MRPS28: variants seen among roughly 807,000 people sequenced by gnomAD.
MRPS28 encodes the protein mitochondrial ribosomal protein S28.
In MRPS28, 7 loss-of-function variants were observed where a neutral mutation model predicts 10.8. The ratio of observed to expected loss-of-function variants is 0.65; its 90% confidence interval spans 0.37 to 1.22. The LOEUF (loss-of-function observed/expected upper bound fraction) is 1.22, where lower values mean the gene tolerates loss of function less well. MRPS28 is among the 50% of genes most tolerant of loss of function. The probability of loss-of-function intolerance (pLI) is 0.02; values close to 1 mark genes in which losing one functional copy is unlikely to be tolerated. For synonymous variants in MRPS28, 121 were observed against 93.3 expected, an observed-to-expected ratio of 1.30 and a Z score of -1.71; for missense variants, 265 against 232.9, an observed-to-expected ratio of 1.14 and a Z score of -0.90.
intron 1 of MRPS28, chr8:80,028,801 AAAAAAAAAC>A (rs1809565605): frequency 6.6e-6 from 1 of 150,526 alleles, no homozygotes; most frequent in Admixed American, 6.7e-5. Context: ...CCATCTCTAC[AAAAAAAAAC>A]AGAAAAAACA....
intron 2 of MRPS28, among the ~76,000 whole-genome samples, chr8:79,983,439 G>C (rs1808039764): frequency 6.6e-6 from 1 of 152,214 alleles, no homozygotes; most frequent in East Asian, 1.9e-4. Flanking sequence ...ACTTTGACGA[G>C]TTGAGAGAAG....
At chr8:79,974,398 G>T (rs1436747981) in intron 2 of MRPS28, among the ~76,000 whole-genome samples, 1 of 151,928 alleles carries the variant, frequency 6.6e-6, no homozygotes, top group East Asian at 1.9e-4. Flanking sequence ...AAATTAGCCA[G>T]GCGTGGTGGT....
At chr8:80,028,109 G>A (rs905456578) in intron 1 of MRPS28, among the ~76,000 whole-genome samples, 1 of 152,158 alleles carries the variant, frequency 6.6e-6, no homozygotes, top group Non-Finnish European at 1.5e-5. Flanking sequence ...TAAATAAACA[G>A]TACATTTTTA....
At chr8:79,986,528 G>A (rs371542352) in intron 2 of MRPS28, among the ~76,000 whole-genome samples, 3,063 of 151,594 alleles carry the variant, frequency 0.02, 55 homozygotes, top group African/African-American at 0.043. Flanking sequence ...AGAAAACCCC[G>A]TTGTCTCAGC....
chr8:79,991,913 T>TCG (rs1808374357), intron 2 of MRPS28, among the ~76,000 whole-genome samples: 1 of 3,762 alleles, frequency 2.7e-4, no homozygotes, highest in African/African-American at 1.2e-3. Flanking sequence ...CTCCTTGCTC[T>TCG]CTCTCTCTCT....
chr8:79,970,297 T>C (rs1807598764), intron 2 of MRPS28, among the ~76,000 whole-genome samples: 1 of 152,164 alleles, frequency 6.6e-6, no homozygotes, highest in Non-Finnish European at 1.5e-5. Flanking sequence ...ACTGCATGCC[T>C]ATACTGTATT....
intron 2 of MRPS28, among the ~76,000 whole-genome samples, chr8:79,979,141 C>T (rs1807881330): frequency 6.6e-6 from 1 of 152,092 alleles, no homozygotes; most frequent in Non-Finnish European, 1.5e-5. Flanking sequence ...TCTGTAGATG[C>T]TGGATAATGT....
chr8:79,949,413 C>CAA (rs58390672), intron 2 of MRPS28, among the ~76,000 whole-genome samples: 1,332 of 96,920 alleles, frequency 0.014, 10 homozygotes, highest in Middle Eastern at 0.021. Flanking sequence ...GACTCCGTCT[C>CAA]AAAAAAAAAA....
chr8:79,922,254 C>T (rs1300191935), intron 2 of MRPS28, among the ~76,000 whole-genome samples: 1 of 152,058 alleles, frequency 6.6e-6, no homozygotes, highest in Non-Finnish European at 1.5e-5. Flanking sequence ...TGACAAACCC[C>T]ACATGATCTC....
chr8:79,934,104 G>T (rs1586043501), intron 2 of MRPS28, among the ~76,000 whole-genome samples: 1 of 152,076 alleles, frequency 6.6e-6, no homozygotes, highest in Non-Finnish European at 1.5e-5. Flanking sequence ...AATGAATGTT[G>T]GTTTAATTTG....
At chr8:79,962,101 A>G (rs1340338620) in intron 2 of MRPS28, among the ~76,000 whole-genome samples, 1 of 152,112 alleles carries the variant, frequency 6.6e-6, no homozygotes, top group African/African-American at 2.4e-5. Flanking sequence ...ATTAAATTCA[A>G]TCACTGTGCC....
intron 1 of MRPS28, among the ~76,000 whole-genome samples, chr8:80,020,996 C>T (rs369859535): frequency 2.6e-5 from 4 of 151,192 alleles, no homozygotes; most frequent in East Asian, 1.9e-4. Flanking sequence ...TATATATTCG[C>T]ACACACACAC....
intron 2 of MRPS28, among the ~76,000 whole-genome samples, chr8:79,983,125 C>A (rs1357449343): frequency 6.6e-6 from 1 of 152,130 alleles, no homozygotes; most frequent in African/African-American, 2.4e-5. Context: ...AGAAAATCCA[C>A]TGTTCTGCAG....
At chr8:79,948,046 G>A (rs1470191186) in intron 2 of MRPS28, among the ~76,000 whole-genome samples, 1 of 148,910 alleles carries the variant, frequency 6.7e-6, no homozygotes, top group Non-Finnish European at 1.5e-5. Flanking sequence ...GGAGTGCAGT[G>A]GCGCAATCTC....
intron 1 of MRPS28, among the ~76,000 whole-genome samples, chr8:80,013,797 C>A (rs563625481): frequency 6.6e-6 from 1 of 152,136 alleles, no homozygotes; most frequent in South Asian, 2.1e-4. Flanking sequence ...GCTATAATAA[C>A]TTTTGTTTCT....
intron 2 of MRPS28, among the ~76,000 whole-genome samples, chr8:80,001,826 T>C (rs1242865131): frequency 6.6e-6 from 1 of 152,234 alleles, no homozygotes; most frequent in Admixed American, 6.5e-5. Flanking sequence ...AGAGGTGTGC[T>C]GCAGCCAGCT....
chr8:80,030,102 T>C lies in MRPS28; in HGVS notation c.147A>G (p.Ala49=), dbSNP rs1308052637. ...GCTCCAACGCGCTCGCGAAACCGCCTGCGCGCGTCTTAGGCTCCTTGGCAT... is the reference window on the plus strand; with the variant it reads ...GCTCCAACGCGCTCGCGAAACCGCCCGCGCGCGTCTTAGGCTCCTTGGCAT... ...SSNAKEPKTR[A]GGFASALERH... The change falls in exon 1 of 3, where the codon GCA becomes GCG. Residue 49 remains alanine, a synonymous_variant. Coordinates refer to ENST00000276585, the MANE Select transcript of MRPS28 (RefSeq NM_014018.3). 2 of 1,611,916 alleles carry C rather than the reference T, an allele frequency of 1.2e-6. No homozygotes were observed. The highest frequency in any genetic ancestry group is 1.4e-5 in the African/African-American group (1 of 73,082).
chr8:79,991,909 G>GCTCTCTCTCTCTCTCT (rs33936648), intron 2 of MRPS28, among the ~76,000 whole-genome samples: 3 of 133,008 alleles, frequency 2.3e-5, no homozygotes, highest in African/African-American at 6.2e-5. Context: ...CTTCCTCCTT[G>GCTCTCTCTCTCTCTCT]CTCTCTCTCT....
chr8:79,935,159 T>C (rs904400174), intron 2 of MRPS28, among the ~76,000 whole-genome samples: 1 of 152,108 alleles, frequency 6.6e-6, no homozygotes, highest in East Asian at 1.9e-4. Context: ...AATCCAACAA[T>C]ACATTACGAT....
Sources: allele counts gnomAD v4.1 joint callset (sites outside exome capture counted in the v4.1 genomes callset), GRCh38; gene constraint gnomAD v4.1.1; transcripts MANE v1.5; gene names NCBI Gene and HGNC (gene_info 2026-07-23, HGNC 2026-07-21).